FAF1: variants seen among roughly 807,000 people sequenced by gnomAD.
The protein encoded by FAF1 is FAS-associated factor 1.
Under a neutral mutation model 92.5 loss-of-function variants are expected in FAF1, and 25 were observed. The observed-to-expected ratio is 0.27, with a 90% CI of 0.20 to 0.38. FAF1 has a LOEUF of 0.38. FAF1 is among the 10% of genes least tolerant of loss of function. The probability of loss-of-function intolerance (pLI) is 1.00; values close to 1 mark genes in which losing one functional copy is unlikely to be tolerated. For missense variants in FAF1, 636 were observed against 793.3 expected (o/e 0.80, Z 2.38); for synonymous variants, 234 against 273.2 (o/e 0.86, Z 1.42).
chr1:50,522,451 T>G (rs549728149), intron 15 of FAF1, among the ~76,000 whole-genome samples: 1 of 152,314 alleles, frequency 6.6e-6, no homozygotes, highest in Admixed American at 6.5e-5. Flanking sequence ...AAAGGAAGTA[T>G]CTAACAAAGT....
chr1:50,829,892 G>T (rs1644136853), intron 2 of FAF1, among the ~76,000 whole-genome samples: 1 of 152,196 alleles, frequency 6.6e-6, no homozygotes, highest in Non-Finnish European at 1.5e-5. Flanking sequence ...CTACTAGTTT[G>T]AAAGAAATTG....
chr1:50,911,838 G>C (rs762631765), intron 1 of FAF1, among the ~76,000 whole-genome samples: 13 of 152,142 alleles, frequency 8.5e-5, no homozygotes, highest in Non-Finnish European at 1.3e-4. Flanking sequence ...TTCAAGACCA[G>C]CCTGGGCAAC....
intron 15 of FAF1, among the ~76,000 whole-genome samples, chr1:50,502,657 A>G (rs1647006744): frequency 6.6e-6 from 1 of 152,188 alleles, no homozygotes; most frequent in Non-Finnish European, 1.5e-5. Context: ...GCCTGTTTTA[A>G]GATCCAGGTT....
intron 12 of FAF1, among the ~76,000 whole-genome samples, chr1:50,568,368 A>T (rs2149057184): frequency 6.6e-6 from 1 of 152,298 alleles, no homozygotes; most frequent in South Asian, 2.1e-4. Context: ...AAGGAAACTT[A>T]CAGAAAAATA....
At chr1:50,445,636 G>C (rs1646219367) in intron 18 of FAF1, among the ~76,000 whole-genome samples, 1 of 152,184 alleles carries the variant, frequency 6.6e-6, no homozygotes, top group South Asian at 2.1e-4. Flanking sequence ...ATCTGAGCTT[G>C]TGTTGTGCCA....
chr1:50,455,899 C>A (rs1177420314), intron 18 of FAF1, among the ~76,000 whole-genome samples: 1 of 151,864 alleles, frequency 6.6e-6, no homozygotes, highest in Admixed American at 6.6e-5. Flanking sequence ...ATGGTGAAAC[C>A]CTGTCTCTAC....
chr1:50,640,672 T>C (rs1056315908), intron 8 of FAF1, among the ~76,000 whole-genome samples: 4 of 152,136 alleles, frequency 2.6e-5, no homozygotes, highest in Admixed American at 6.6e-5. Flanking sequence ...CAGCCTAGTG[T>C]TGCAGAATTT....
At chr1:50,761,968 G>T (rs907149458) in intron 4 of FAF1, among the ~76,000 whole-genome samples, 28 of 152,066 alleles carry the variant, frequency 1.8e-4, no homozygotes, top group Non-Finnish European at 3.4e-4. Flanking sequence ...ATCTCCTTAA[G>T]CTGATAAGCA....
intron 6 of FAF1, 81 bp from the exon 7 acceptor site, chr1:50,705,972 G>A: frequency 2.6e-6 from 2 of 758,908 alleles, no homozygotes; most frequent in South Asian, 1.6e-5. Context: ...AAAAACCCCA[G>A]GAGTACCCTA....
intron 4 of FAF1, among the ~76,000 whole-genome samples, chr1:50,770,407 G>A (rs1569918992): frequency 6.6e-6 from 1 of 152,160 alleles, no homozygotes; most frequent in East Asian, 1.9e-4. Context: ...CTCCAGCAAT[G>A]TTTCAGGATA....
chr1:50,845,555 T>G (rs1246126099), intron 2 of FAF1, among the ~76,000 whole-genome samples: 1 of 152,048 alleles, frequency 6.6e-6, no homozygotes, highest in East Asian at 1.9e-4. Context: ...GCAAGCCCAC[T>G]GTGTACCCAC....
At chr1:50,887,067 C>T (rs151214223) in intron 1 of FAF1, among the ~76,000 whole-genome samples, 1,978 of 152,302 alleles carry the variant, frequency 0.013, 42 homozygotes, top group African/African-American at 0.044. Context: ...TTAATGATCG[C>T]CATTCTAACT....
At chr1:50,842,636 AT>A (rs1270101076) in intron 2 of FAF1, among the ~76,000 whole-genome samples, 1 of 151,838 alleles carries the variant, frequency 6.6e-6, no homozygotes, top group Non-Finnish European at 1.5e-5. Flanking sequence ...TTTCCAACAC[AT>A]TTGCTCTCAC....
At chr1:50,664,773 G>A (rs1655549095) in intron 7 of FAF1, among the ~76,000 whole-genome samples, 2 of 150,820 alleles carry the variant, frequency 1.3e-5, no homozygotes, top group South Asian at 4.2e-4. Flanking sequence ...CAGACTGGGC[G>A]ACAGAGCGAG....
intron 2 of FAF1, among the ~76,000 whole-genome samples, chr1:50,857,541 A>G (rs1242239033): frequency 1.3e-5 from 2 of 151,812 alleles, no homozygotes; most frequent in East Asian, 3.9e-4. Context: ...GAATGCAACT[A>G]CTTTAACAGC....
intron 13 of FAF1, among the ~76,000 whole-genome samples, chr1:50,546,292 T>C (rs572073896): frequency 2.6e-5 from 4 of 152,348 alleles, no homozygotes; most frequent in African/African-American, 7.2e-5. Flanking sequence ...ATGTTAGTGA[T>C]AAAAGGAAGG....
chr1:50,672,446 G>A (rs968024322), intron 7 of FAF1, among the ~76,000 whole-genome samples: 1 of 151,896 alleles, frequency 6.6e-6, no homozygotes, highest in Non-Finnish European at 1.5e-5. Context: ...GCTAATTTTT[G>A]TATTTTTTTT....
At chr1:50,703,503 C>A (rs1169532904) in intron 7 of FAF1, among the ~76,000 whole-genome samples, 1 of 152,018 alleles carries the variant, frequency 6.6e-6, no homozygotes, top group Non-Finnish European at 1.5e-5. Context: ...CCTGTCTACT[C>A]ACAGAGAAGC....
chr1:50,474,472 G>A (rs573445435), intron 18 of FAF1, among the ~76,000 whole-genome samples: 1 of 152,096 alleles, frequency 6.6e-6, no homozygotes, highest in East Asian at 1.9e-4. Flanking sequence ...ACATGAGTAA[G>A]TTCTTTAGTG....
Sources: allele counts gnomAD v4.1 joint callset (sites outside exome capture counted in the v4.1 genomes callset), GRCh38; gene constraint gnomAD v4.1.1; transcripts MANE v1.5; gene names NCBI Gene and HGNC (gene_info 2026-07-23, HGNC 2026-07-21).